The following SKI variants were observed in gnomAD, a reference collection of about 807,000 sequenced individuals.
SKI encodes the protein SKI proto-oncogene, also known as ski oncogene.
SKI carries 23 observed loss-of-function variants against 59.3 expected under a neutral mutation model. That is an observed-to-expected ratio of 0.39 (90% CI 0.28 to 0.55). The LOEUF (loss-of-function observed/expected upper bound fraction) is 0.55, where lower values mean the gene tolerates loss of function less well. Ranked by LOEUF, SKI falls within the 20% of genes least tolerant of loss-of-function variation. The pLI is 0.67. For missense variants in SKI, 1,017 were observed against 1,038.9 expected (o/e 0.98, Z 0.29); for synonymous variants, 673 against 488.6 (o/e 1.38, Z -4.98).
At chr1:2,300,099 G>C (rs1013641602) in intron 1 of SKI, among the ~76,000 whole-genome samples, 1 of 152,242 alleles carries the variant, frequency 6.6e-6, no homozygotes, top group African/African-American at 2.4e-5. Flanking sequence ...CTGGCAGGGG[G>C]GCACCTGTCC....
Position 2,304,456 on chromosome 1 carries a change from G to A in SKI, c.1638G>A (p.Arg546=). The change falls in exon 5 of 7, where the codon CGG becomes CGA. Residue 546 remains arginine, a synonymous_variant. Coordinates refer to ENST00000378536, the MANE Select transcript of SKI (RefSeq NM_003036.4). The stretch of plus-strand genomic sequence containing the variant: ...TGGAGGCGGAGCTGGAGCACCTGCG[G>A]CAGGCACTGGAGGGCGGCCTGGACA... The part of the protein sequence containing the change: ...SGLEAELEHL[R]QALEGGLDTK... The A allele has an allele frequency of 1.9e-6, 3 of 1,567,400 alleles. No individual in the cohort carries two copies. Among genetic ancestry groups the A allele is most frequent in the Non-Finnish European group, 2.6e-6 (3 of 1,157,362 alleles).
intron 1 of SKI, among the ~76,000 whole-genome samples, chr1:2,273,045 G>A (rs1169216014): frequency 1.3e-5 from 2 of 152,236 alleles, no homozygotes; most frequent in African/African-American, 4.8e-5. Context: ...GACATTTGGT[G>A]CCACCTGCGT....
At position 2,267,795 on chromosome 1, in the gene SKI, C is replaced by A. The variant is rs1428460181; in HGVS notation, c.970-35183C>A. ...TCCAGACTGTCCCAGGACACGGGTCCACGGTCACACGGTCTCCAAATGAGC... is the reference window on the plus strand; with the variant it reads ...TCCAGACTGTCCCAGGACACGGGTCAACGGTCACACGGTCTCCAAATGAGC... On this transcript the variant is annotated intron_variant, in intron 1 of 6. Transcript: ENST00000378536. This position sits in a 1 kb window ranked among gnomAD's most constrained non-coding sequence, Gnocchi z 4.1. 6.6e-6 allele frequency among the ~76,000 whole-genome samples: 1 copy of A among 152,184 alleles called. No individual in the cohort carries two copies. Among genetic ancestry groups the A allele is most frequent in the Non-Finnish European group, 1.5e-5 (1 of 68,020 alleles).
chr1:2,277,434 T>A (rs1183898085), intron 1 of SKI, among the ~76,000 whole-genome samples: 1 of 152,220 alleles, frequency 6.6e-6, no homozygotes. Flanking sequence ...GTAAGTCTCA[T>A]GCGATCTGAT....
At chr1:2,298,585 C>T (rs751527709) in intron 1 of SKI, among the ~76,000 whole-genome samples, 7 of 152,158 alleles carry the variant, frequency 4.6e-5, no homozygotes, top group African/African-American at 1.2e-4. Context: ...GGCCCTAATA[C>T]GGGGTCCCGT....
intron 1 of SKI, among the ~76,000 whole-genome samples, chr1:2,265,517 TAAC>T (rs1339141080): frequency 1.3e-5 from 2 of 152,256 alleles, no homozygotes; most frequent in African/African-American, 2.4e-5. Context: ...TACACTGTAA[TAAC>T]AGTTCCAGTG....
rs370217718 is a variant in SKI, at chr1:2,303,050, G to A, written c.1042G>A (p.Glu348Lys). 1.5e-5 allele frequency: 25 copies of A among 1,613,694 alleles called. No individual in the cohort carries two copies. Among genetic ancestry groups the A allele is most frequent in the South Asian group, 9.9e-5 (9 of 91,082 alleles). ...DTSSQSPAPS[E>K]KDKPSSWLRT... ...CTCTTCCCAGTCCCCCGCGCCTTCC[G>A]AAAAGGACAAGCCGTCCAGCTGGCT... Residue 348 changes from glutamate (E) to lysine (K), a missense_variant, in exon 2 of 7, where the codon GAA (glutamate) becomes AAA (lysine). Physicochemically the swap from Glu to Lys is moderately conservative, Grantham distance 56. Transcript: ENST00000378536. The surrounding 1 kb of genome is among the most constrained non-coding windows in gnomAD (Gnocchi z 5.6).
At chr1:2,276,791 C>A (rs1159467341) in intron 1 of SKI, among the ~76,000 whole-genome samples, 1 of 152,208 alleles carries the variant, frequency 6.6e-6, no homozygotes, top group Non-Finnish European at 1.5e-5. Flanking sequence ...CTTTGCGTAA[C>A]TTAGGAACCC....
Position 2,269,915 on chromosome 1 carries a change from C to T in SKI, c.970-33063C>T, listed in dbSNP as rs1197031860. 1.1e-4 allele frequency among the ~76,000 whole-genome samples: 12 copies of T among 105,354 alleles called. No homozygotes were observed. The highest frequency in any genetic ancestry group is 3.9e-4 in the South Asian group (1 of 2,554). The allele number at this position is 105,354 out of a possible 152,430, so 69.1% of individuals were successfully genotyped here. On this transcript the variant is annotated intron_variant, in intron 1 of 6. Coordinates refer to ENST00000378536, the MANE Select transcript of SKI (RefSeq NM_003036.4). The surrounding 1 kb of genome is among the most constrained non-coding windows in gnomAD (Gnocchi z 4.7). ...GTGCCTGTGGCTGGCGTGGGTCTGG[C>T]GGGTCTGGTGGTGCCTGTGGCTGGC...
At chr1:2,262,192 A>G (rs1206216401) in intron 1 of SKI, among the ~76,000 whole-genome samples, 10 of 108,814 alleles carry the variant, frequency 9.2e-5, no homozygotes, top group African/African-American at 1.5e-4. Context: ...TTGATCTCCT[A>G]GTCTGGAAGG....
rs373260464 is a variant in SKI at position 2,309,177 on chromosome 1, C to T, written c.*2412C>T. 79 of 152,340 alleles carry T rather than the reference C, an allele frequency of 5.2e-4. No homozygotes were observed. The highest frequency in any genetic ancestry group is 1.8e-3 in the African/African-American group (76 of 41,562). 9.4% of individuals were successfully genotyped at this position (152,340 alleles called of 1,614,324 possible). A position where few individuals can be genotyped will look rare whatever the true frequency, so the allele number is the denominator to read the frequency against. On this transcript the variant is annotated 3_prime_UTR_variant, in exon 7 of 7. Transcript: ENST00000378536. ...GGGGTCCCAGGCCCCGAGGGGTGCA[C>T]GCCTGGCTCCCCTTGGCACAGGTGC...
At chr1:2,264,940 A>T (rs907214805) in intron 1 of SKI, among the ~76,000 whole-genome samples, 4 of 151,716 alleles carry the variant, frequency 2.6e-5, no homozygotes, top group Admixed American at 6.6e-5. Context: ...CCTCCCGCGT[A>T]CCTGGGATTA....
chr1:2,261,517 T>C (rs1639385688), intron 1 of SKI, among the ~76,000 whole-genome samples: 1 of 152,218 alleles, frequency 6.6e-6, no homozygotes, highest in Admixed American at 6.5e-5. Context: ...TTTTTCTTGG[T>C]CTTGTAAATA....
intron 1 of SKI, chr1:2,240,545 G>T: frequency 1.0e-6 from 1 of 985,456 alleles, no homozygotes; most frequent in Non-Finnish European, 1.2e-6. Context: ...GACTGGGACC[G>T]CTGGCTTCCT....
In SKI at chr1:2,308,353, A is replaced by T. The variant is rs564832872; in HGVS notation, c.*1588A>T. ...GCGGGGTTTTGCCCTTGGTTTACTG[A>T]GGGGGGTCTTGGTTGCTGCTGAAGC... is the stretch of plus-strand genomic sequence containing the variant. On this transcript the variant is annotated 3_prime_UTR_variant, in exon 7 of 7. Coordinates refer to ENST00000378536, the MANE Select transcript of SKI (RefSeq NM_003036.4). 1.3e-5 allele frequency: 2 copies of T among 152,186 alleles called. No individual in the cohort carries two copies. Among genetic ancestry groups the T allele is most frequent in the Non-Finnish European group, 2.9e-5 (2 of 68,040 alleles). The allele number at this position is 152,186 out of a possible 1,614,324, so 9.4% of individuals were successfully genotyped here.
Position 2,303,625 on chromosome 1 carries a change from A to T in SKI, c.1212-215A>T. ...GGGTGGAGCCCTGTCTGCTGGGCGC[A>T]GCTTCTTGATGTGTTGGCCTGTGTC... On this transcript the variant is annotated intron_variant, in intron 3 of 6. Transcript: ENST00000378536. This position sits in a 1 kb window ranked among gnomAD's most constrained non-coding sequence, Gnocchi z 5.6. 1.4e-6 allele frequency: 1 copy of T among 717,446 alleles called. No homozygotes were observed. The highest frequency in any genetic ancestry group is 1.8e-5 in the South Asian group (1 of 55,124). The allele number at this position is 717,446 out of a possible 1,614,324, so 44.4% of individuals were successfully genotyped here.
intron 1 of SKI, among the ~76,000 whole-genome samples, chr1:2,287,695 C>T (rs1640070464): frequency 6.6e-6 from 1 of 152,120 alleles, no homozygotes; most frequent in African/African-American, 2.4e-5. Context: ...TTGCATGCGT[C>T]ACCTTCCCTG....
chr1:2,229,536 A>C lies in SKI; in HGVS notation c.770A>C (p.His257Pro). The C allele has an allele frequency of 1.2e-6, 2 of 1,611,434 alleles. No homozygotes were observed. The highest frequency in any genetic ancestry group is 1.7e-6 in the Non-Finnish European group (2 of 1,179,930). Residue 257 changes from histidine (H) to proline (P), a missense_variant, in exon 1 of 7, where the codon CAC (histidine) becomes CCC (proline). Coordinates refer to ENST00000378536, the MANE Select transcript of SKI (RefSeq NM_003036.4). This position sits in a 1 kb window ranked among gnomAD's most constrained non-coding sequence, Gnocchi z 6.3. ...GACTGCCGCCTCATGTACCCGCCGCACAAGTTCGTGGTGCACTCGCACAAG... is the reference window on the plus strand; with the variant it reads ...GACTGCCGCCTCATGTACCCGCCGCCCAAGTTCGTGGTGCACTCGCACAAG... ...CLDCRLMYPP[H>P]KFVVHSHKAL...
chr1:2,267,138 T>C lies in SKI; in HGVS notation c.970-35840T>C, dbSNP rs138877759. ...GGAATTGATTATGAACAAAGTGCCA[T>C]GATTTTGACTATTCAGGCGAGCAAC... On this transcript the variant is annotated intron_variant, in intron 1 of 6. Transcript: ENST00000378536. This position sits in a 1 kb window ranked among gnomAD's most constrained non-coding sequence, Gnocchi z 4.1. 6.7e-3 allele frequency among the ~76,000 whole-genome samples: 1,020 copies of C among 152,324 alleles called. 11 individuals are homozygous for C. Among genetic ancestry groups the C allele is most frequent in the Non-Finnish European group, 6.9e-3 (472 of 68,022 alleles).
Sources: allele counts gnomAD v4.1 joint callset (sites outside exome capture counted in the v4.1 genomes callset), GRCh38; gene constraint gnomAD v4.1.1; non-coding constraint Gnocchi (gnomAD v3.1); transcripts MANE v1.5; gene names NCBI Gene and HGNC (gene_info 2026-07-23, HGNC 2026-07-21).